Variants in EFNA5 observed in about 807,000 individuals in gnomAD.
EFNA5 encodes the protein ephrin A5.
In EFNA5, 5 loss-of-function variants were observed where a neutral mutation model predicts 22.9. The observed-to-expected ratio is 0.22, with a 90% CI of 0.11 to 0.46. The LOEUF is 0.46. Ranked by LOEUF, EFNA5 falls within the 20% of genes least tolerant of loss-of-function variation. EFNA5 has a pLI of 0.99. For synonymous variants in EFNA5, 113 were observed against 112.2 expected (o/e 1.01, Z -0.04); for missense variants, 237 against 293.3 (o/e 0.81, Z 1.40).
At chr5:107,472,402 A>G (rs1204263362) in intron 1 of EFNA5, among the ~76,000 whole-genome samples, 1 of 152,202 alleles carries the variant, frequency 6.6e-6, no homozygotes, top group Non-Finnish European at 1.5e-5. Flanking sequence ...GATGATAAAA[A>G]TTGTAACACT....
chr5:107,536,509 T>C (rs527556417), intron 1 of EFNA5, among the ~76,000 whole-genome samples: 1 of 152,370 alleles, frequency 6.6e-6, no homozygotes, highest in African/African-American at 2.4e-5. Context: ...AATTATTCTA[T>C]ACTTTTGTTT....
intron 1 of EFNA5, among the ~76,000 whole-genome samples, chr5:107,498,216 T>C (rs529285886): frequency 3.3e-5 from 5 of 152,222 alleles, no homozygotes; most frequent in Non-Finnish European, 7.3e-5. Flanking sequence ...AAGCCCGGCC[T>C]ACAATTTATC....
chr5:107,640,983 GATAGATAGA>G (rs1561457245), intron 1 of EFNA5, among the ~76,000 whole-genome samples: 17 of 136,664 alleles, frequency 1.2e-4, no homozygotes, highest in African/African-American at 3.0e-4. Flanking sequence ...CAGGTAGATA[GATAGATAGA>G]TAGATAGATA....
In EFNA5 at chr5:107,395,034, C is replaced by CTTTTTTTTTTTTTTTT. The variant is rs58619326; in HGVS notation, c.419-7279_419-7264dup. Among the ~76,000 whole-genome samples the CTTTTTTTTTTTTTTTT allele has an allele frequency of 7.3e-4, 63 of 86,124 alleles. 19 individuals are homozygous for CTTTTTTTTTTTTTTTT. The highest frequency in any genetic ancestry group is 0.011 in the Middle Eastern group (1 of 92). 56.5% of individuals were successfully genotyped at this position (86,124 alleles called of 152,430 possible). On this transcript the variant is annotated intron_variant, in intron 2 of 4. Coordinates refer to ENST00000333274, the MANE Select transcript of EFNA5 (RefSeq NM_001962.3). ...CCCCTTATAAGAAGGATTTCTAGTT[C>CTTTTTTTTTTTTTTTT]TTTTTTTTTTTTTTTTTTCCGCGAG...
chr5:107,404,210 C>T (rs1425961376), intron 2 of EFNA5, among the ~76,000 whole-genome samples: 1 of 152,188 alleles, frequency 6.6e-6, no homozygotes, highest in Non-Finnish European at 1.5e-5. Flanking sequence ...TCTCATTAGT[C>T]TGGCATTTCT....
At chr5:107,569,044 A>G (rs461468) in intron 1 of EFNA5, among the ~76,000 whole-genome samples, 31,056 of 151,916 alleles carry the variant, frequency 0.2, 3,565 homozygotes, top group African/African-American at 0.3. Flanking sequence ...GCTTTTAATA[A>G]ACACATGCCT....
intron 4 of EFNA5, among the ~76,000 whole-genome samples, chr5:107,385,324 A>T (rs1747583387): frequency 6.6e-6 from 1 of 152,168 alleles, no homozygotes; most frequent in Non-Finnish European, 1.5e-5. Context: ...ATTACCAGAG[A>T]AAAATATGCA....
chr5:107,459,838 C>T (rs1370709892), intron 1 of EFNA5, among the ~76,000 whole-genome samples: 1 of 152,130 alleles, frequency 6.6e-6, no homozygotes, highest in African/African-American at 2.4e-5. Flanking sequence ...ATGATAAGGG[C>T]AGCTTGACTG....
chr5:107,574,746 G>T (rs1241309393), intron 1 of EFNA5, among the ~76,000 whole-genome samples: 1 of 152,210 alleles, frequency 6.6e-6, no homozygotes, highest in Non-Finnish European at 1.5e-5. Context: ...TCTATTGACA[G>T]AAGCAGTGGG....
At chr5:107,543,643 C>T (rs1432883784) in intron 1 of EFNA5, among the ~76,000 whole-genome samples, 1 of 152,086 alleles carries the variant, frequency 6.6e-6, no homozygotes, top group South Asian at 2.1e-4. Context: ...GGGAATACAG[C>T]AGACTAAAAG....
At chr5:107,669,396 C>A (rs544385781) in intron 1 of EFNA5, among the ~76,000 whole-genome samples, 109 of 152,202 alleles carry the variant, frequency 7.2e-4, no homozygotes, top group African/African-American at 2.6e-3. Context: ...CGGCACACAG[C>A]TGGAAGCTAG....
At chr5:107,612,927 G>C (rs552209131) in intron 1 of EFNA5, among the ~76,000 whole-genome samples, 79 of 150,996 alleles carry the variant, frequency 5.2e-4, no homozygotes, top group African/African-American at 1.8e-3. Flanking sequence ...TAGCAAAACA[G>C]GGAATAAAAT....
chr5:107,381,731 A>C (rs78016698), intron 4 of EFNA5, among the ~76,000 whole-genome samples: 1,734 of 152,254 alleles, frequency 0.011, 34 homozygotes, highest in African/African-American at 0.037. Flanking sequence ...TGTCACAGGC[A>C]AGCAAGTGAC....
chr5:107,556,566 T>G (rs1272309461), intron 1 of EFNA5, among the ~76,000 whole-genome samples: 1 of 151,924 alleles, frequency 6.6e-6, no homozygotes, highest in Non-Finnish European at 1.5e-5. Context: ...GACAACATGA[T>G]GAAACCCCGT....
At chr5:107,400,367 G>C (rs1187595304) in intron 2 of EFNA5, among the ~76,000 whole-genome samples, 2 of 151,962 alleles carry the variant, frequency 1.3e-5, no homozygotes, top group Non-Finnish European at 2.9e-5. Flanking sequence ...CCACCCTTCT[G>C]TGTATCAAAA....
Position 107,670,679 on chromosome 5 carries a change from G to C in EFNA5, c.-66C>G. The stretch of plus-strand genomic sequence containing the variant: ...GGGAGAGAGCGGGGATCCGGAGGGA[G>C]GGAGGCAGGCAAAGGGACAGAGAGA... On this transcript the variant is annotated 5_prime_UTR_variant, in exon 1 of 5. Coordinates refer to ENST00000333274, the MANE Select transcript of EFNA5 (RefSeq NM_001962.3). 1 of 1,564,256 alleles carries C rather than the reference G, an allele frequency of 6.4e-7. No homozygotes were observed. The highest frequency in any genetic ancestry group is 1.4e-5 in the African/African-American group (1 of 73,278).
At chr5:107,460,337 T>G (rs994507583) in intron 1 of EFNA5, among the ~76,000 whole-genome samples, 1 of 152,150 alleles carries the variant, frequency 6.6e-6, no homozygotes, top group Non-Finnish European at 1.5e-5. Flanking sequence ...CCCTAACCAT[T>G]TCTGCTCCAT....
intron 1 of EFNA5, among the ~76,000 whole-genome samples, chr5:107,546,003 T>C (rs536017089): frequency 1.3e-5 from 2 of 152,164 alleles, no homozygotes; most frequent in East Asian, 3.9e-4. Context: ...TCAAATAACA[T>C]GCCTGCAATC....
intron 1 of EFNA5, among the ~76,000 whole-genome samples, chr5:107,660,116 G>A (rs533270781): frequency 6.6e-6 from 1 of 151,128 alleles, no homozygotes; most frequent in Non-Finnish European, 1.5e-5. Flanking sequence ...TCCCTTGATA[G>A]CTATAGTTCC....
Sources: allele counts gnomAD v4.1 joint callset (sites outside exome capture counted in the v4.1 genomes callset), GRCh38; gene constraint gnomAD v4.1.1; transcripts MANE v1.5; gene names NCBI Gene and HGNC (gene_info 2026-07-23, HGNC 2026-07-21).